The following SENP8 variants were observed in gnomAD, a reference collection of about 807,000 sequenced individuals.
SENP8 encodes SUMO peptidase family member, NEDD8 specific, also known as sentrin-specific protease 8.
Under a neutral mutation model 14.4 loss-of-function variants are expected in SENP8, and 10 were observed. That is an observed-to-expected ratio of 0.69 (90% CI 0.43 to 1.18). The LOEUF (loss-of-function observed/expected upper bound fraction) is 1.18. SENP8 is among the 50% of genes most tolerant of loss of function. The pLI is 0.00. For missense variants in SENP8, 202 were observed against 249.4 expected (o/e 0.81, Z 1.28); for synonymous variants, 94 against 95.5 (o/e 0.98, Z 0.09).
Position 72,140,701 on chromosome 15 carries a change from C to T in SENP8, c.*439C>T, listed in dbSNP as rs867581882. 1.1e-5 allele frequency: 2 copies of T among 174,134 alleles called. No individual in the cohort carries two copies. Among genetic ancestry groups the T allele is most frequent in the African/African-American group, 4.8e-5 (2 of 41,484 alleles). The allele number at this position is 174,134 out of a possible 1,614,324, so 10.8% of individuals were successfully genotyped here. The stretch of plus-strand genomic sequence containing the variant: ...AAAACAGAACCAAAAACTTGTTGCA[C>T]AGCCTACATAATTAAGAGATCAACT... On this transcript the variant is annotated 3_prime_UTR_variant, in exon 2 of 2. Coordinates refer to ENST00000340912, the MANE Select transcript of SENP8 (RefSeq NM_145204.4).
In SENP8 at chr15:72,139,941, G is replaced by A. The variant is rs767336542; in HGVS notation, c.318G>A (p.Leu106=). 2 of 1,614,104 alleles carry A rather than the reference G, an allele frequency of 1.2e-6. No individual in the cohort carries two copies. Among genetic ancestry groups the A allele is most frequent in the Non-Finnish European group, 1.7e-6 (2 of 1,180,002 alleles). ...QAAGGTHWSL[L]VYLQDKNSFF... The stretch of plus-strand genomic sequence containing the variant: ...CTGGAGGAACCCACTGGAGTTTATT[G>A]GTCTACCTCCAAGATAAAAATAGCT... Residue 106 remains leucine (L), a synonymous_variant, in exon 2 of 2, where the codon TTG becomes TTA. Transcript: ENST00000340912.
rs759708532 is a variant in SENP8 at position 72,140,077 on chromosome 15, G to A, written c.454G>A (p.Glu152Lys). ...AGGAGACAAACTGGCCTTTGTGGAA[G>A]AGAAAGCCCCTGCCCAACAAAACAG... ...RKGDKLAFVE[E>K]KAPAQQNSYD... Residue 152 changes from glutamate (E) to lysine (K), a missense_variant, in exon 2 of 2, where the codon GAG becomes AAG. Coordinates refer to ENST00000340912, the MANE Select transcript of SENP8 (RefSeq NM_145204.4). 2 of 1,614,176 alleles carry A rather than the reference G, an allele frequency of 1.2e-6. No individual in the cohort carries two copies. Among genetic ancestry groups the A allele is most frequent in the South Asian group, 2.2e-5 (2 of 91,084 alleles).
chr15:72,140,529 G>T lies in SENP8; in HGVS notation c.*267G>T. On this transcript the variant is annotated 3_prime_UTR_variant, in exon 2 of 2. Coordinates refer to ENST00000340912, the MANE Select transcript of SENP8 (RefSeq NM_145204.4). ...TTATTTGAACATTTATTACACACAGGGTTTACGTAAGACTTTTCTTATTGG... is the reference window on the plus strand; with the variant it reads ...TTATTTGAACATTTATTACACACAGTGTTTACGTAAGACTTTTCTTATTGG... 2 of 418,900 alleles carry T rather than the reference G, an allele frequency of 4.8e-6. No homozygotes were observed. The highest frequency in any genetic ancestry group is 4.4e-6 in the Non-Finnish European group (1 of 225,310). The allele number at this position is 418,900 out of a possible 1,614,324, so 25.9% of individuals were successfully genotyped here. A position where few individuals can be genotyped will look rare whatever the true frequency, so the allele number is the denominator to read the frequency against.
intron 1 of SENP8, among the ~76,000 whole-genome samples, chr15:72,138,148 G>A (rs1357532558): frequency 2.0e-5 from 3 of 152,012 alleles, no homozygotes; most frequent in Non-Finnish European, 4.4e-5. Flanking sequence ...TAAAACATTA[G>A]CTATAATTTT....
chr15:72,129,967 C>T (rs1308855415), intron 1 of SENP8, among the ~76,000 whole-genome samples: 1 of 151,992 alleles, frequency 6.6e-6, no homozygotes, highest in Non-Finnish European at 1.5e-5. Flanking sequence ...TGGTGGATCA[C>T]CTGAGGTCAG....
At chr15:72,135,982 C>T (rs987906434) in intron 1 of SENP8, among the ~76,000 whole-genome samples, 2 of 152,198 alleles carry the variant, frequency 1.3e-5, no homozygotes, top group Admixed American at 1.3e-4. Flanking sequence ...ACATGAGAGA[C>T]AGATGCTGTA....
intron 1 of SENP8, among the ~76,000 whole-genome samples, chr15:72,125,255 A>G (rs1004397550): frequency 1.1e-4 from 16 of 152,304 alleles, no homozygotes; most frequent in Admixed American, 1.0e-3. Context: ...AAAATGGGGC[A>G]TCATTTACTC....
At chr15:72,129,375 T>G (rs2081249535) in intron 1 of SENP8, among the ~76,000 whole-genome samples, 1 of 151,610 alleles carries the variant, frequency 6.6e-6, no homozygotes, top group Non-Finnish European at 1.5e-5. Context: ...CAAATTTTTT[T>G]TTTTTTGAGA....
intron 1 of SENP8, among the ~76,000 whole-genome samples, chr15:72,129,176 A>G: frequency 6.6e-6 from 1 of 152,350 alleles, no homozygotes; most frequent in Non-Finnish European, 1.5e-5. Flanking sequence ...TCTATAAAAT[A>G]GACAATTATC....
Position 72,140,597 on chromosome 15 carries a change from T to C in SENP8, c.*335T>C. The C allele has an allele frequency of 9.0e-6, 2 of 222,842 alleles. No homozygotes were observed. 13.8% of individuals were successfully genotyped at this position (222,842 alleles called of 1,614,324 possible). ...TTGGTCTCCCTTATCCACATTGGCT[T>C]ATTCTGGAGGAAAAGCAGTGATCTG... On this transcript the variant is annotated 3_prime_UTR_variant, in exon 2 of 2. Coordinates refer to ENST00000340912, the MANE Select transcript of SENP8 (RefSeq NM_145204.4).
chr15:72,127,801 G>A (rs60717166), intron 1 of SENP8, among the ~76,000 whole-genome samples: 491 of 152,302 alleles, frequency 3.2e-3, no homozygotes, highest in African/African-American at 0.011. Context: ...AAGATGGAAA[G>A]CATTGGACAG....
In SENP8 at chr15:72,128,103, A is replaced by G. The variant is rs554683517; in HGVS notation, c.-48+9639A>G. 2.7e-4 allele frequency among the ~76,000 whole-genome samples: 40 copies of G among 149,570 alleles called. 1 individual carries two copies. Among genetic ancestry groups the G allele is most frequent in the African/African-American group, 9.8e-4 (40 of 40,768 alleles). On this transcript the variant is annotated intron_variant, in intron 1 of 1. Coordinates refer to ENST00000340912, the MANE Select transcript of SENP8 (RefSeq NM_145204.4). ...GTGAGACGTTTTCAAAGAAAGAGAG[A>G]GGGAAAGGGGAGAGGGGAGAGAGGG... is the stretch of plus-strand genomic sequence containing the variant.
At chr15:72,122,984 A>G (rs535666696) in intron 1 of SENP8, among the ~76,000 whole-genome samples, 7 of 152,356 alleles carry the variant, frequency 4.6e-5, no homozygotes, top group Admixed American at 1.3e-4. Context: ...CTGATGGCCA[A>G]TGAATAAAAC....
chr15:72,114,918 T>C (rs2080914292), upstream of SENP8, among the ~76,000 whole-genome samples: 1 of 152,222 alleles, frequency 6.6e-6, no homozygotes, highest in South Asian at 2.1e-4. Flanking sequence ...CTCCTACATT[T>C]CTCTGCTATT....
At chr15:72,131,323 G>T (rs1414831511) in intron 1 of SENP8, among the ~76,000 whole-genome samples, 3 of 152,198 alleles carry the variant, frequency 2.0e-5, no homozygotes, top group Non-Finnish European at 2.9e-5. Context: ...CATAGGTTAA[G>T]TGACTCTTCC....
intron 1 of SENP8, among the ~76,000 whole-genome samples, chr15:72,124,922 G>A (rs962713145): frequency 6.6e-6 from 1 of 152,206 alleles, no homozygotes; most frequent in African/African-American, 2.4e-5. Context: ...ATATACAGAT[G>A]TTTATATCAA....
intron 1 of SENP8, among the ~76,000 whole-genome samples, chr15:72,130,015 G>C (rs77972862): frequency 4.0e-5 from 6 of 151,724 alleles, no homozygotes; most frequent in African/African-American, 1.2e-4. Flanking sequence ...GTGAAACCCC[G>C]TCTCTACTAA....
intron 1 of SENP8, among the ~76,000 whole-genome samples, chr15:72,129,509 T>G (rs1340098642): frequency 6.6e-6 from 1 of 150,944 alleles, no homozygotes; most frequent in Non-Finnish European, 1.5e-5. Flanking sequence ...ATTACAGGCA[T>G]GCACCACCAC....
In SENP8 at chr15:72,139,861, C is replaced by A; in HGVS notation, c.238C>A (p.Leu80Ile). 1.2e-6 allele frequency: 2 copies of A among 1,614,220 alleles called. No individual in the cohort carries two copies. The highest frequency in any genetic ancestry group is 1.7e-6 in the Non-Finnish European group (2 of 1,180,048). The change falls in exon 2 of 2, where the codon CTC (leucine) becomes ATC (isoleucine). Residue 80 changes from leucine to isoleucine, a missense_variant. Transcript: ENST00000340912. ...TGCCATGTTCCTTGAACCACTGGAC[C>A]TCCCCAACAAGAGAGTTGTATTTTT... The part of the protein sequence containing the change: ...EIAMFLEPLD[L>I]PNKRVVFLAI...
Sources: allele counts gnomAD v4.1 joint callset (sites outside exome capture counted in the v4.1 genomes callset), GRCh38; gene constraint gnomAD v4.1.1; transcripts MANE v1.5; gene names NCBI Gene and HGNC (gene_info 2026-07-23, HGNC 2026-07-21).